MCF2L2: variants seen among roughly 807,000 people sequenced by gnomAD.
MCF2L2 encodes the protein MCF.2 cell line derived transforming sequence-like 2.
MCF2L2 carries 102 observed loss-of-function variants against 150.2 expected under a neutral mutation model. That is an observed-to-expected ratio of 0.68 (90% CI 0.58 to 0.80). MCF2L2 has a LOEUF of 0.80. MCF2L2 is among the 30% of genes least tolerant of loss of function. The pLI is 0.00. For synonymous variants in MCF2L2, 465 were observed against 491.3 expected, an observed-to-expected ratio of 0.95 and a Z score of 0.71; for missense variants, 1,256 against 1,372.8, an observed-to-expected ratio of 0.91 and a Z score of 1.34.
At position 183,270,160 on chromosome 3, in the gene MCF2L2, T is replaced by A. The variant is rs1039538753; in HGVS notation, c.1862+6712A>T. ...AATGAAAATTATGTTCGGTCTCAGC[T>A]GAATGCCAACATCAAAACTCTGTTT... is the stretch of plus-strand genomic sequence containing the variant. On this transcript the variant is annotated intron_variant, in intron 15 of 29. Transcript: ENST00000328913. This position sits in a 1 kb window ranked among gnomAD's most constrained non-coding sequence, Gnocchi z 4.5. The A allele has an allele frequency of 1.2e-6, 2 of 1,614,042 alleles. No homozygotes were observed. Among genetic ancestry groups the A allele is most frequent in the African/African-American group, 1.3e-5 (1 of 74,920 alleles).
intron 7 of MCF2L2, among the ~76,000 whole-genome samples, chr3:183,313,250 C>T (rs558701223): frequency 7.4e-4 from 113 of 151,908 alleles, no homozygotes; most frequent in South Asian, 2.3e-3. Flanking sequence ...CACACACACA[C>T]ACACACATAT....
chr3:183,358,463 A>G (rs2108562050), intron 3 of MCF2L2, among the ~76,000 whole-genome samples: 2 of 152,310 alleles, frequency 1.3e-5, no homozygotes, highest in Middle Eastern at 6.8e-3. Flanking sequence ...AAAGTTAAAA[A>G]TGAATCTCTT....
chr3:183,203,577 A>G (rs1336374792), intron 25 of MCF2L2, among the ~76,000 whole-genome samples: 1 of 152,238 alleles, frequency 6.6e-6, no homozygotes, highest in Non-Finnish European at 1.5e-5. Context: ...AAAAATGAAT[A>G]GAGCCTCAGA....
In MCF2L2 at chr3:183,379,340, C is replaced by T; in HGVS notation, c.232G>A (p.Glu78Lys). 1 of 1,610,986 alleles carries T rather than the reference C, an allele frequency of 6.2e-7. No homozygotes were observed. The highest frequency in any genetic ancestry group is 8.5e-7 in the Non-Finnish European group (1 of 1,178,756). ...EFSGFKHIPD[E>K]DFLNVMTYLT... ...TAGGTCATGACATTCAGGAAGTCTT[C>T]ATCTGGGATGTGTTTGAACCCCGAA... The change falls in exon 3 of 30, where the codon GAA becomes AAA. Residue 78 changes from glutamate (E) to lysine (K), a missense_variant. By Grantham distance (56) the Glu-to-Lys change is moderately conservative (BLOSUM62 1). Transcript: ENST00000328913.
chr3:183,424,747 A>T (rs1285154980), intron 1 of MCF2L2, among the ~76,000 whole-genome samples: 1 of 152,164 alleles, frequency 6.6e-6, no homozygotes, highest in Non-Finnish European at 1.5e-5. Flanking sequence ...CATGAAGGAG[A>T]TGGCATTGTA....
chr3:183,339,554 A>G (rs1730618998), intron 4 of MCF2L2, among the ~76,000 whole-genome samples: 1 of 152,222 alleles, frequency 6.6e-6, no homozygotes, highest in South Asian at 2.1e-4. Flanking sequence ...TCGTAAAATA[A>G]TTACTGAATC....
chr3:183,207,670 T>G lies in MCF2L2; in HGVS notation c.2650A>C (p.Ile884Leu). 1 of 1,614,240 alleles carries G rather than the reference T, an allele frequency of 6.2e-7. No homozygotes were observed. Among genetic ancestry groups the G allele is most frequent in the Non-Finnish European group, 8.5e-7 (1 of 1,180,026 alleles). ...CCCTGGTCCCCAGGCTCCATTCGTA[T>G]CTTACAGAACACTATTCCCCTTTCA... ...LFERGIVFCK[I>L]RMEPGDQGLS... The change falls in exon 23 of 30, where the codon ATA becomes CTA. Residue 884 changes from isoleucine (I) to leucine (L), a missense_variant. Coordinates refer to ENST00000328913, the MANE Select transcript of MCF2L2 (RefSeq NM_015078.4).
At position 183,305,925 on chromosome 3, in the gene MCF2L2, G is replaced by T. The variant is rs185794422; in HGVS notation, c.1113+3791C>A. On this transcript the variant is annotated intron_variant, in intron 10 of 29. Transcript: ENST00000328913. This position sits in a 1 kb window ranked among gnomAD's most constrained non-coding sequence, Gnocchi z 4.1. ...GAAGGTCACTATTACAGAATTGAAA[G>T]GACAACAATAGTTTCTGACCACTGA... 6.6e-6 allele frequency among the ~76,000 whole-genome samples: 1 copy of T among 152,278 alleles called. No individual in the cohort carries two copies. The highest frequency in any genetic ancestry group is 6.5e-5 in the Admixed American group (1 of 15,290).
At chr3:183,412,976 G>A (rs1488529769) in intron 1 of MCF2L2, among the ~76,000 whole-genome samples, 1 of 152,204 alleles carries the variant, frequency 6.6e-6, no homozygotes, top group African/African-American at 2.4e-5. Flanking sequence ...CCTCTACTGA[G>A]ATGCTTATGT....
intron 22 of MCF2L2, among the ~76,000 whole-genome samples, chr3:183,214,285 A>G (rs928349691): frequency 2.0e-5 from 3 of 152,364 alleles, no homozygotes; most frequent in Admixed American, 6.5e-5. Flanking sequence ...CGAAGAAAGA[A>G]GAATTATTAC....
At chr3:183,402,451 C>CAAAAAAAAAAAAAAAAAAA (rs779201489) in intron 1 of MCF2L2, among the ~76,000 whole-genome samples, 99 of 54,704 alleles carry the variant, frequency 1.8e-3, no homozygotes, top group Non-Finnish European at 3.0e-3. Flanking sequence ...GAGACTCCAT[C>CAAAAAAAAAAAAAAAAAAA]AAAAAAAAAA....
chr3:183,330,953 T>C (rs1456015169), intron 5 of MCF2L2, among the ~76,000 whole-genome samples: 3 of 152,154 alleles, frequency 2.0e-5, no homozygotes, highest in Admixed American at 6.5e-5. Flanking sequence ...GTGGCCTCCA[T>C]GACTAGGAAG....
chr3:183,263,182 G>C (rs1420986473), intron 15 of MCF2L2, among the ~76,000 whole-genome samples: 1 of 152,122 alleles, frequency 6.6e-6, no homozygotes, highest in Non-Finnish European at 1.5e-5. Flanking sequence ...GGCTGATAAG[G>C]TGTCTTGAGT....
intron 16 of MCF2L2, among the ~76,000 whole-genome samples, chr3:183,230,393 C>T (rs1006097262): frequency 3.9e-5 from 6 of 152,126 alleles, no homozygotes; most frequent in African/African-American, 1.2e-4. Flanking sequence ...GGATTACAGG[C>T]GTGAGCCACT....
chr3:183,373,047 T>C (rs1157253221), intron 3 of MCF2L2: 1 of 152,232 alleles, frequency 6.6e-6, no homozygotes, highest in Admixed American at 6.5e-5. Flanking sequence ...TTTCAGACCA[T>C]CTGGCTCTAC....
chr3:183,306,576 C>T (rs540506990), intron 10 of MCF2L2, among the ~76,000 whole-genome samples: 4 of 152,252 alleles, frequency 2.6e-5, no homozygotes, highest in South Asian at 2.1e-4. Flanking sequence ...CTACTCTATC[C>T]GGGAATCTAG....
intron 3 of MCF2L2, among the ~76,000 whole-genome samples, chr3:183,347,007 T>C (rs1730925396): frequency 6.6e-6 from 1 of 152,202 alleles, no homozygotes. Context: ...GATTTACTGC[T>C]ATTCCCATCA....
chr3:183,296,866 C>G (rs1728533653), intron 12 of MCF2L2, 110 bp downstream of exon 12: 2 of 1,233,424 alleles, frequency 1.6e-6, no homozygotes, highest in Non-Finnish European at 2.2e-6. Context: ...TGAGCCCACT[C>G]AATTCAGCCT....
At chr3:183,184,407 C>G (rs1318879560) in intron 27 of MCF2L2, among the ~76,000 whole-genome samples, 1 of 152,176 alleles carries the variant, frequency 6.6e-6, no homozygotes, top group Non-Finnish European at 1.5e-5. Context: ...TGTGTTGGAG[C>G]AGATACACCC....
Sources: gnomAD v4.1 joint callset for allele counts (sites outside exome capture counted in the v4.1 genomes callset) on GRCh38, gnomAD v4.1.1 for gene constraint, Gnocchi (gnomAD v3.1) non-coding constraint, MANE v1.5 for transcripts, NCBI Gene and HGNC (gene_info 2026-07-23, HGNC 2026-07-21) for gene names.